The following SGCZ variants were observed in gnomAD, a reference collection of about 807,000 sequenced individuals.
The protein encoded by SGCZ is zeta-sarcoglycan.
A neutral mutation model predicts 41.3 loss-of-function variants in SGCZ; 40 were observed. That is an observed-to-expected ratio of 0.97 (90% CI 0.75 to 1.26). SGCZ has a LOEUF of 1.26. SGCZ is among the 50% of genes most tolerant of loss of function. The pLI, the probability that SGCZ is intolerant of heterozygous loss-of-function variation, is 0.00. For missense variants in SGCZ, 552 were observed against 369.8 expected, an observed-to-expected ratio of 1.49 and a Z score of -4.04; for synonymous variants, 206 against 137.5, an observed-to-expected ratio of 1.50 and a Z score of -3.49.
chr8:14,528,813 C>G (rs1214346699), intron 2 of SGCZ, among the ~76,000 whole-genome samples: 1 of 122,890 alleles, frequency 8.1e-6, no homozygotes, highest in Non-Finnish European at 1.6e-5. Flanking sequence ...AATAACACAA[C>G]ATCACGGACC....
chr8:15,010,402 T>C (rs1357574036), intron 1 of SGCZ, among the ~76,000 whole-genome samples: 1 of 152,218 alleles, frequency 6.6e-6, no homozygotes, highest in Non-Finnish European at 1.5e-5. Flanking sequence ...CAGAGTACAT[T>C]ATGTTACTAT....
chr8:14,801,981 G>T (rs1457700874), intron 1 of SGCZ, among the ~76,000 whole-genome samples: 1 of 152,206 alleles, frequency 6.6e-6, no homozygotes, highest in Non-Finnish European at 1.5e-5. Context: ...GCAAAGCTCA[G>T]TCCTGGGCAG....
chr8:14,572,814 C>G (rs1804595048), intron 1 of SGCZ, among the ~76,000 whole-genome samples: 2 of 152,134 alleles, frequency 1.3e-5, no homozygotes. Context: ...CAAAGTCCCA[C>G]AAATGAATAG....
intron 1 of SGCZ, among the ~76,000 whole-genome samples, chr8:14,971,841 G>T (rs977313835): frequency 4.6e-5 from 7 of 151,530 alleles, no homozygotes; most frequent in African/African-American, 1.7e-4. Context: ...GTAGAGACGG[G>T]GTTTCACCAT....
chr8:15,217,260 A>C (rs902207299), intron 1 of SGCZ, among the ~76,000 whole-genome samples: 1 of 151,624 alleles, frequency 6.6e-6, no homozygotes, highest in Non-Finnish European at 1.5e-5. Context: ...TACTAAAAAT[A>C]CAAAAAATTA....
intron 2 of SGCZ, among the ~76,000 whole-genome samples, chr8:14,398,978 T>C (rs1037933): frequency 0.039 from 5,946 of 152,210 alleles, 352 homozygotes; most frequent in African/African-American, 0.13. Flanking sequence ...TAAATGTTCC[T>C]TGAAATAACC....
chr8:14,601,489 G>T (rs1805587519), intron 1 of SGCZ, among the ~76,000 whole-genome samples: 1 of 151,952 alleles, frequency 6.6e-6, no homozygotes, highest in South Asian at 2.1e-4. Context: ...ATATTCAAAA[G>T]AATGACTGTA....
At chr8:14,221,952 C>T (rs1806210288) in intron 4 of SGCZ, among the ~76,000 whole-genome samples, 1 of 150,002 alleles carries the variant, frequency 6.7e-6, no homozygotes, top group African/African-American at 2.5e-5. Flanking sequence ...CACAGTGAGA[C>T]TCTGTCTCAA....
intron 2 of SGCZ, among the ~76,000 whole-genome samples, chr8:14,360,912 G>T (rs750646198): frequency 6.6e-6 from 1 of 152,188 alleles, no homozygotes; most frequent in South Asian, 2.1e-4. Context: ...CACCAACAAG[G>T]GACGAGTGAT....
intron 7 of SGCZ, among the ~76,000 whole-genome samples, chr8:14,094,065 C>A (rs1469096344): frequency 6.6e-6 from 1 of 152,010 alleles, no homozygotes; most frequent in Non-Finnish European, 1.5e-5. Context: ...ACCCACCTCC[C>A]AACAAAGCCC....
rs543982481 is a variant in SGCZ, at chr8:14,586,058, G to A, written c.40-31132C>T. On this transcript the variant is annotated intron_variant, in intron 1 of 7. Transcript: ENST00000382080. ...AAAACAAAACGTCCAGCAATACTAAGTTAAAAGGATAACGGACTAGTTAAT... is the reference window on the plus strand; with the variant it reads ...AAAACAAAACGTCCAGCAATACTAAATTAAAAGGATAACGGACTAGTTAAT... Among the ~76,000 whole-genome samples, 9 of 152,282 alleles carry A rather than the reference G, an allele frequency of 5.9e-5. No homozygotes were observed. In the East Asian group the frequency reaches 1.7e-3, roughly 29 times the overall value.
intron 7 of SGCZ, among the ~76,000 whole-genome samples, chr8:14,093,002 A>T (rs957597814): frequency 7.2e-5 from 11 of 152,056 alleles, no homozygotes; most frequent in Non-Finnish European, 1.2e-4. Context: ...CCACTTTGAG[A>T]GACAGTGATC....
intron 5 of SGCZ, among the ~76,000 whole-genome samples, chr8:14,156,020 C>G (rs1179200280): frequency 6.6e-6 from 1 of 151,994 alleles, no homozygotes; most frequent in East Asian, 1.9e-4. Context: ...ATGGTACACC[C>G]CTATAGGGCA....
At chr8:14,392,125 T>C (rs950339340) in intron 2 of SGCZ, among the ~76,000 whole-genome samples, 1 of 152,150 alleles carries the variant, frequency 6.6e-6, no homozygotes, top group East Asian at 1.9e-4. Flanking sequence ...CTCTTAAATA[T>C]AATATTTCAG....
At chr8:15,184,813 G>A (rs1213209563) in intron 1 of SGCZ, among the ~76,000 whole-genome samples, 1 of 152,096 alleles carries the variant, frequency 6.6e-6, no homozygotes, top group Non-Finnish European at 1.5e-5. Context: ...GCCTTGTAAT[G>A]GCTTCCAACT....
rs551906304 is a variant in SGCZ, at chr8:14,098,179, A to T, written c.744+4197T>A. Among the ~76,000 whole-genome samples the T allele has an allele frequency of 2.0e-5, 3 of 152,216 alleles. No individual in the cohort carries two copies. In the East Asian group the frequency reaches 5.8e-4, roughly 29 times the overall value. On this transcript the variant is annotated intron_variant, in intron 7 of 7. Transcript: ENST00000382080. ...TGGCTGCATTTATCAACAGTATTCA[A>T]AGTTAAAAAGCATGATTACAGCTTG...
chr8:15,224,464 C>T (rs143451846), intron 1 of SGCZ, among the ~76,000 whole-genome samples: 38 of 152,184 alleles, frequency 2.5e-4, no homozygotes, highest in African/African-American at 8.7e-4. Context: ...AAGAAAACGA[C>T]TTTATCAGAC....
intron 1 of SGCZ, among the ~76,000 whole-genome samples, chr8:14,918,234 A>G (rs896172049): frequency 2.6e-5 from 4 of 152,152 alleles, no homozygotes; most frequent in Non-Finnish European, 5.9e-5. Flanking sequence ...TTTGAAGTAA[A>G]TATAGCAGCA....
intron 2 of SGCZ, among the ~76,000 whole-genome samples, chr8:14,338,656 A>G (rs1437390678): frequency 6.6e-6 from 1 of 152,218 alleles, no homozygotes; most frequent in East Asian, 1.9e-4. Context: ...ATTGAAACTC[A>G]TTAAAATATG....
Sources: gnomAD v4.1 joint callset for allele counts (sites outside exome capture counted in the v4.1 genomes callset) on GRCh38, gnomAD v4.1.1 for gene constraint, MANE v1.5 for transcripts, NCBI Gene and HGNC (gene_info 2026-07-23, HGNC 2026-07-21) for gene names.